ARFGEF2: variants seen among roughly 807,000 people sequenced by gnomAD.
ARFGEF2 encodes the protein brefeldin A-inhibited guanine nucleotide-exchange protein 2.
Under a neutral mutation model 219.9 loss-of-function variants are expected in ARFGEF2, and 74 were observed. The ratio of observed to expected loss-of-function variants is 0.34; its 90% CI spans 0.28 to 0.41. ARFGEF2 has a LOEUF of 0.41. Ranked by LOEUF, ARFGEF2 falls within the 10% of genes least tolerant of loss-of-function variation. The pLI, the probability that ARFGEF2 is intolerant of heterozygous loss-of-function variation, is 1.00. For synonymous variants in ARFGEF2, 733 were observed against 799.2 expected (o/e 0.92, Z 1.40); for missense variants, 1,743 against 2,218.3 (o/e 0.79, Z 4.30).
chr20:48,937,350 T>A (rs1326968007), intron 1 of ARFGEF2, among the ~76,000 whole-genome samples: 1 of 152,236 alleles, frequency 6.6e-6, no homozygotes, highest in Non-Finnish European at 1.5e-5. Context: ...GATGCCGTTA[T>A]CATCTGGGCC....
At chr20:48,930,111 T>C (rs2090903908) in intron 1 of ARFGEF2, among the ~76,000 whole-genome samples, 1 of 152,214 alleles carries the variant, frequency 6.6e-6, no homozygotes, top group East Asian at 1.9e-4. Flanking sequence ...GGGCGATTTA[T>C]AAAGAACAGA....
chr20:48,983,903 T>C (rs2091310991), intron 14 of ARFGEF2, among the ~76,000 whole-genome samples: 1 of 152,126 alleles, frequency 6.6e-6, no homozygotes, highest in South Asian at 2.1e-4. Flanking sequence ...TGGTTAGCTT[T>C]GCCTTCCTTT....
rs1473717 is a variant in ARFGEF2, at chr20:49,016,020, C to G, written c.4180-260C>G. On this transcript the variant is annotated intron_variant, in intron 30 of 38. Transcript: ENST00000371917. ...TTCCTTTTCATTTTGGAAAATTTAG[C>G]TTTTAAGTAACCAAATCTATGCGTT... Among the ~76,000 whole-genome samples, 37,444 of 152,062 alleles carry G rather than the reference C, an allele frequency of 0.25. 5,279 individuals carry two copies. The highest frequency in any genetic ancestry group is 0.47 in the East Asian group (2,451 of 5,180).
intron 25 of ARFGEF2, among the ~76,000 whole-genome samples, chr20:49,003,423 G>C (rs917096568): frequency 6.6e-6 from 1 of 151,426 alleles, no homozygotes; most frequent in Non-Finnish European, 1.5e-5. Flanking sequence ...TGGCCAACGT[G>C]GTGAAACCCC....
chr20:48,958,181 A>C (rs2091116644), intron 6 of ARFGEF2, among the ~76,000 whole-genome samples: 1 of 152,162 alleles, frequency 6.6e-6, no homozygotes, highest in African/African-American at 2.4e-5. Flanking sequence ...CCTACATATA[A>C]ACACACAGGC....
At position 49,034,760 on chromosome 20, in the gene ARFGEF2, A is replaced by T. The variant is rs1424991067; in HGVS notation, c.*1561A>T. 1 of 152,166 alleles carries T rather than the reference A, an allele frequency of 6.6e-6. No individual in the cohort carries two copies. Among genetic ancestry groups the T allele is most frequent in the Non-Finnish European group, 1.5e-5 (1 of 68,036 alleles). 9.4% of individuals were successfully genotyped at this position (152,166 alleles called of 1,614,324 possible). A position where few individuals can be genotyped will look rare whatever the true frequency, so the allele number is the denominator to read the frequency against. ...TTCTGGTGCTTTTGCTTACTAAGAG[A>T]CCGATATTCTTAAGTTGTTTTCTTG... On this transcript the variant is annotated 3_prime_UTR_variant, in exon 39 of 39. Transcript: ENST00000371917.
intron 2 of ARFGEF2, among the ~76,000 whole-genome samples, chr20:48,941,488 C>T (rs911174647): frequency 7.2e-5 from 11 of 152,162 alleles, no homozygotes; most frequent in African/African-American, 2.4e-4. Flanking sequence ...CTTTTCTTAA[C>T]AGAACAGGCA....
At chr20:48,987,225 G>A (rs1487942540) in intron 16 of ARFGEF2, among the ~76,000 whole-genome samples, 1 of 152,150 alleles carries the variant, frequency 6.6e-6, no homozygotes, top group African/African-American at 2.4e-5. Context: ...GGGAGCCTTG[G>A]TCTGTTTTGC....
Position 48,971,223 on chromosome 20 carries a change from A to T in ARFGEF2, c.1294A>T (p.Ile432Phe). 6.2e-7 allele frequency: 1 copy of T among 1,614,110 alleles called. No individual in the cohort carries two copies. The highest frequency in any genetic ancestry group is 8.5e-7 in the Non-Finnish European group (1 of 1,180,034). Residue 432 changes from isoleucine (I) to phenylalanine (F), a missense_variant, in exon 10 of 39, where the codon ATC (isoleucine) becomes TTC (phenylalanine). Transcript: ENST00000371917. ...FRTHEMFINA[I>F]KQYLCVALSK... ...GACTCACGAGATGTTCATCAATGCA[A>T]TCAAGCAATATCTCTGTGTGGCCTT...
chr20:48,961,236 C>T (rs1205092272), intron 6 of ARFGEF2, among the ~76,000 whole-genome samples: 2 of 151,568 alleles, frequency 1.3e-5, no homozygotes, highest in African/African-American at 4.8e-5. Context: ...GGTACAGATG[C>T]ACAAAAATAT....
chr20:48,995,856 G>T lies in ARFGEF2; in HGVS notation c.3195G>T (p.Ser1065=), dbSNP rs139648715. 105 of 1,613,992 alleles carry T rather than the reference G, an allele frequency of 6.5e-5. No homozygotes were observed. Among genetic ancestry groups the T allele is most frequent in the Non-Finnish European group, 8.3e-5 (98 of 1,180,004 alleles). ...AAGAATCGGTTGGTGAGACCAGCTC[G>T]CAGAGTGTGGTTGTAGCTGTGGACA... ...SFQESVGETS[S]QSVVVAVDRI... is the part of the protein sequence containing the mutation. Residue 1065 remains serine (S), a synonymous_variant, in exon 23 of 39, where the codon TCG becomes TCT. Transcript: ENST00000371917.
chr20:48,969,242 C>T lies in ARFGEF2; in HGVS notation c.1155C>T (p.Ser385=), dbSNP rs190799417. 28 of 1,614,222 alleles carry T rather than the reference C, an allele frequency of 1.7e-5. No individual in the cohort carries two copies. In the East Asian group the frequency reaches 6.0e-4, roughly 35 times the overall value. Residue 385 remains serine, a synonymous_variant, in exon 9 of 39, where the codon TCC becomes TCT. Transcript: ENST00000371917. ...FLVFRSLCKL[S]MKPLGEGPPD... ...TGTTCCGCTCCCTGTGCAAGCTGTC[C>T]ATGAAACCCCTTGGTGAAGGCCCTC...
intron 14 of ARFGEF2, among the ~76,000 whole-genome samples, chr20:48,978,319 G>A (rs2091275036): frequency 6.6e-6 from 1 of 152,192 alleles, no homozygotes; most frequent in South Asian, 2.1e-4. Context: ...ACTCTGTGCT[G>A]TTCCATTGGT....
intron 12 of ARFGEF2, 133 bp downstream of exon 12, chr20:48,973,417 C>T (rs527795502): frequency 2.1e-6 from 2 of 948,280 alleles, no homozygotes; most frequent in Non-Finnish European, 3.3e-6. Context: ...TCACACACTT[C>T]CTGCCATCAT....
chr20:49,031,621 T>C (rs547028234), intron 37 of ARFGEF2, among the ~76,000 whole-genome samples: 256 of 152,194 alleles, frequency 1.7e-3, no homozygotes, highest in African/African-American at 5.6e-3. Flanking sequence ...TCAATAGTTA[T>C]TGCAGTGGCT....
At chr20:49,010,869 C>T (rs934873925) in intron 27 of ARFGEF2, among the ~76,000 whole-genome samples, 1 of 152,224 alleles carries the variant, frequency 6.6e-6, no homozygotes, top group African/African-American at 2.4e-5. Flanking sequence ...AAACTTGAGT[C>T]ACCCAAGGCG....
intron 31 of ARFGEF2, among the ~76,000 whole-genome samples, chr20:49,016,737 C>CA (rs1442497019): frequency 2.6e-5 from 4 of 152,056 alleles, no homozygotes; most frequent in African/African-American, 9.7e-5. Flanking sequence ...CAGTCAAGAT[C>CA]AACAGCTTCA....
At chr20:48,943,613 C>T (rs146545761) in intron 3 of ARFGEF2, among the ~76,000 whole-genome samples, 129 of 152,198 alleles carry the variant, frequency 8.5e-4, no homozygotes, top group Middle Eastern at 3.4e-3. Flanking sequence ...CTCTGTTGCC[C>T]AGGCTGTAGT....
intron 8 of ARFGEF2, among the ~76,000 whole-genome samples, chr20:48,967,282 T>C (rs1207704051): frequency 1.3e-5 from 2 of 152,244 alleles, no homozygotes; most frequent in African/African-American, 4.8e-5. Flanking sequence ...TATGTAGAGC[T>C]AACAGAAATT....
Sources: gnomAD v4.1 joint callset for allele counts (sites outside exome capture counted in the v4.1 genomes callset) on GRCh38, gnomAD v4.1.1 for gene constraint, MANE v1.5 for transcripts, NCBI Gene and HGNC (gene_info 2026-07-23, HGNC 2026-07-21) for gene names.